Variants in IL23R observed in about 807,000 individuals in gnomAD.
The protein encoded by IL23R is interleukin-23 receptor.
IL23R carries 34 observed loss-of-function variants against 56.9 expected under a neutral mutation model. The ratio of observed to expected loss-of-function variants is 0.60; its 90% CI spans 0.45 to 0.80. The LOEUF (loss-of-function observed/expected upper bound fraction) is 0.80. Ranked by LOEUF, IL23R falls within the 30% of genes least tolerant of loss-of-function variation. The pLI is 0.00. For synonymous variants in IL23R, 230 were observed against 249.2 expected, an observed-to-expected ratio of 0.92 and a Z score of 0.73; for missense variants, 635 against 730.0, an observed-to-expected ratio of 0.87 and a Z score of 1.50.
intron 4 of IL23R, among the ~76,000 whole-genome samples, chr1:67,184,992 G>A (rs1007754383): frequency 6.6e-6 from 1 of 152,184 alleles, no homozygotes; most frequent in African/African-American, 2.4e-5. Context: ...CAACCAGAAG[G>A]TGCTGTCTGT....
intron 9 of IL23R, among the ~76,000 whole-genome samples, chr1:67,255,342 A>G (rs1393631690): frequency 6.6e-6 from 1 of 152,194 alleles, no homozygotes; most frequent in Non-Finnish European, 1.5e-5. Flanking sequence ...AATAGAGATG[A>G]GAGGAAAATC....
At chr1:67,248,974 C>T (rs1304718336) in intron 9 of IL23R, among the ~76,000 whole-genome samples, 1 of 152,142 alleles carries the variant, frequency 6.6e-6, no homozygotes, top group Non-Finnish European at 1.5e-5. Flanking sequence ...TGCTTCAGCC[C>T]CCCCTCCATG....
chr1:67,140,234 T>A (rs913901362), intron 1 of IL23R, among the ~76,000 whole-genome samples: 1 of 152,192 alleles, frequency 6.6e-6, no homozygotes, highest in African/African-American at 2.4e-5. Flanking sequence ...GCAAAATATT[T>A]AAAGTAAAAA....
chr1:67,231,217 T>C (rs1224916468), intron 7 of IL23R, among the ~76,000 whole-genome samples: 2 of 152,140 alleles, frequency 1.3e-5, no homozygotes, highest in Non-Finnish European at 2.9e-5. Flanking sequence ...AAAGAAACCT[T>C]AGAGATGTCT....
chr1:67,233,710 A>G (rs1186826621), intron 7 of IL23R, among the ~76,000 whole-genome samples: 1 of 152,176 alleles, frequency 6.6e-6, no homozygotes, highest in Non-Finnish European at 1.5e-5. Context: ...TTCCCAAATT[A>G]AAGATAATTT....
chr1:67,210,445 T>C (rs535583961), intron 6 of IL23R, among the ~76,000 whole-genome samples: 9 of 152,198 alleles, frequency 5.9e-5, no homozygotes, highest in African/African-American at 2.2e-4. Flanking sequence ...GGCCTTTTTT[T>C]TTCCCTTCCG....
chr1:67,251,870 T>G (rs1652649388), intron 9 of IL23R, among the ~76,000 whole-genome samples: 1 of 152,212 alleles, frequency 6.6e-6, no homozygotes, highest in Non-Finnish European at 1.5e-5. Context: ...CAAAAGCTTT[T>G]AACTACTCAA....
chr1:67,265,534 TAATC>T, the IL23R span, among the ~76,000 whole-genome samples: 2 of 152,246 alleles, frequency 1.3e-5, no homozygotes, highest in African/African-American at 4.8e-5. Context: ...ATTGCCCTAA[TAATC>T]TATAGAATAA....
rs114943244 is a variant in IL23R, at chr1:67,229,279, C to A, written c.956-7434C>A. On this transcript the variant is annotated intron_variant, in intron 7 of 10. Transcript: ENST00000347310. Reference sequence around the variant, plus strand: ...ATGCCCCACAGAACTTGGGAAAACACTTATGATTACTGGTTTATGATAAAC... The same window carrying A: ...ATGCCCCACAGAACTTGGGAAAACAATTATGATTACTGGTTTATGATAAAC... 7.2e-3 allele frequency among the ~76,000 whole-genome samples: 1,101 copies of A among 152,250 alleles called. 15 individuals carry two copies. Among genetic ancestry groups the A allele is most frequent in the African/African-American group, 0.025 (1,042 of 41,546 alleles).
rs371194228 is a variant in IL23R at position 67,240,183 on chromosome 1, C to T, written c.1050C>T (p.Asn350=). 3 of 1,597,354 alleles carry T rather than the reference C, an allele frequency of 1.9e-6. No individual in the cohort carries two copies. In the African/African-American group the frequency reaches 4.0e-5, roughly 21 times the overall value. The part of the protein sequence containing the change: ...SISTGHLTSD[N]RGDIGLLLGM... ...ATTTTTCTTTCCTTTCATTAGACAA[C>T]AGAGGAGACATTGGACTTTTATTGG... The change falls in exon 9 of 11, where the codon AAC becomes AAT. Residue 350 remains asparagine, a synonymous_variant. Transcript: ENST00000347310.
chr1:67,222,687 C>G (rs1353659736), intron 7 of IL23R, among the ~76,000 whole-genome samples: 1 of 152,126 alleles, frequency 6.6e-6, no homozygotes, highest in East Asian at 1.9e-4. Flanking sequence ...GTAATTAGCG[C>G]TACTTTACAA....
intron 7 of IL23R, among the ~76,000 whole-genome samples, chr1:67,234,107 T>C (rs1651298486): frequency 6.6e-6 from 1 of 152,108 alleles, no homozygotes; most frequent in Non-Finnish European, 1.5e-5. Context: ...CTGTTGAAAA[T>C]TTTTCTGTAC....
chr1:67,225,813 A>T (rs772701023), intron 7 of IL23R, among the ~76,000 whole-genome samples: 2 of 152,162 alleles, frequency 1.3e-5, no homozygotes, highest in Non-Finnish European at 2.9e-5. Flanking sequence ...CCTGGCCTGA[A>T]TGCTTGGGCA....
intron 5 of IL23R, 76 bp from the exon 6 acceptor site, chr1:67,206,834 T>G: frequency 1.4e-6 from 2 of 1,421,910 alleles, no homozygotes; most frequent in Non-Finnish European, 1.9e-6. Flanking sequence ...TATCTAGATA[T>G]TGACGAAAAG....
chr1:67,256,158 A>G (rs569821721), intron 10 of IL23R, among the ~76,000 whole-genome samples: 1 of 152,362 alleles, frequency 6.6e-6, no homozygotes, highest in East Asian at 1.9e-4. Flanking sequence ...AAACCTGTTC[A>G]AAAGAGAAAA....
upstream of IL23R, among the ~76,000 whole-genome samples, chr1:67,165,448 G>T (rs763124370): frequency 6.6e-6 from 1 of 152,138 alleles, no homozygotes; most frequent in Non-Finnish European, 1.5e-5. Flanking sequence ...TTAGGATCCA[G>T]CAATCCCTCT....
intron 3 of IL23R, among the ~76,000 whole-genome samples, chr1:67,175,183 C>T (rs1389769117): frequency 6.6e-6 from 1 of 151,574 alleles, no homozygotes; most frequent in African/African-American, 2.4e-5. Context: ...AGACGCTAGC[C>T]AATGAAAAAT....
chr1:67,174,620 A>C (rs911204741), intron 3 of IL23R, among the ~76,000 whole-genome samples: 1 of 152,060 alleles, frequency 6.6e-6, no homozygotes, highest in Non-Finnish European at 1.5e-5. Context: ...ATGAACTAAG[A>C]GAGCCACACC....
At chr1:67,204,064 CT>C (rs1051826971) in intron 5 of IL23R, among the ~76,000 whole-genome samples, 8 of 151,630 alleles carry the variant, frequency 5.3e-5, no homozygotes, top group African/African-American at 9.7e-5. Flanking sequence ...AAAATTGATA[CT>C]TTTTTTTTCT....
Sources: gnomAD v4.1 joint callset for allele counts (sites outside exome capture counted in the v4.1 genomes callset) on GRCh38, gnomAD v4.1.1 for gene constraint, MANE v1.5 for transcripts, NCBI Gene and HGNC (gene_info 2026-07-23, HGNC 2026-07-21) for gene names.